The following CALB2 variants were observed in gnomAD, a reference collection of about 807,000 sequenced individuals.
The protein encoded by CALB2 is calretinin.
In CALB2, 34 loss-of-function variants were observed where a neutral mutation model predicts 45.9. The ratio of observed to expected loss-of-function variants is 0.74; its 90% CI spans 0.56 to 0.99. The LOEUF (loss-of-function observed/expected upper bound fraction) is 0.99, where lower values mean the gene tolerates loss of function less well. Among genes scored for constraint, CALB2 ranks in the 50% least tolerant of loss-of-function variants. The pLI is 0.00. For missense variants in CALB2, 344 were observed against 339.3 expected, an observed-to-expected ratio of 1.01 and a Z score of -0.11; for synonymous variants, 142 against 129.6, an observed-to-expected ratio of 1.10 and a Z score of -0.65.
chr16:71,374,597 A>G, intron 2 of CALB2, 148 bp from the exon 3 acceptor site: 1 of 559,390 alleles, frequency 1.8e-6, no homozygotes, highest in Non-Finnish European at 3.3e-6. Context: ...AAAGGAAAAC[A>G]ACACAGCTCT....
At chr16:71,364,177 C>T (rs965175924) in intron 1 of CALB2, among the ~76,000 whole-genome samples, 2 of 152,192 alleles carry the variant, frequency 1.3e-5, no homozygotes, top group African/African-American at 4.8e-5. Flanking sequence ...TCTGATTGCA[C>T]CAGCCGGCAG....
At chr16:71,386,025 C>T (rs374203179) in intron 10 of CALB2, among the ~76,000 whole-genome samples, 5 of 152,308 alleles carry the variant, frequency 3.3e-5, no homozygotes, top group African/African-American at 1.2e-4. Flanking sequence ...TCCCCCATCT[C>T]CTGCCAACCA....
chr16:71,371,290 G>A (rs2042347409), intron 1 of CALB2, among the ~76,000 whole-genome samples: 2 of 152,096 alleles, frequency 1.3e-5, no homozygotes, highest in Admixed American at 6.5e-5. Context: ...TCTCAGGTAG[G>A]GCAGGGGGTG....
rs2042206608 is a variant in CALB2, at chr16:71,358,734, C to G, written c.-59C>G. 3 of 1,389,374 alleles carry G rather than the reference C, an allele frequency of 2.2e-6. No individual in the cohort carries two copies. The highest frequency in any genetic ancestry group is 2.1e-4 in the Middle Eastern group (1 of 4,856). The allele number at this position is 1,389,374 out of a possible 1,614,324, so 86.1% of individuals were successfully genotyped here. On this transcript the variant is annotated 5_prime_UTR_variant, in exon 1 of 11. Coordinates refer to ENST00000302628, the MANE Select transcript of CALB2 (RefSeq NM_001740.5). The stretch of plus-strand genomic sequence containing the variant: ...TGGCGCACAACCCCAGCGCGAGTGC[C>G]AGAGCCCAGCCGGCGCGGAGCGGGA...
At chr16:71,372,116 T>G in intron 1 of CALB2, 37 bp from the exon 2 acceptor site, 1 of 1,403,296 alleles carries the variant, frequency 7.1e-7, no homozygotes, top group Non-Finnish European at 1.0e-6. Flanking sequence ...CCTTACTATT[T>G]AGTGCTGAGA....
intron 4 of CALB2, among the ~76,000 whole-genome samples, chr16:71,378,011 T>TCAGGGGTTCGAGAC (rs1473252559): frequency 1.3e-5 from 2 of 152,090 alleles, no homozygotes; most frequent in Non-Finnish European, 2.9e-5. Context: ...TCACCTGAGG[T>TCAGGGGTTCGAGAC]CAGGGGTTCG....
chr16:71,384,369 T>TA lies in CALB2; in HGVS notation c.567dup (p.Phe190IlefsTer12), dbSNP rs758801377. 6 of 1,607,708 alleles carry TA rather than the reference T, an allele frequency of 3.7e-6. No homozygotes were observed. The African/African-American group carries it at 8.2e-5, about 22-fold the overall frequency. On this transcript the variant is annotated frameshift_variant, in exon 8 of 11. Transcript: ENST00000302628. LOFTEE classifies it high-confidence loss of function. ...TGCCTGTCCAGGAAAACTTCCTGCT[T>TA]AAATTTCAGGTAAAACTTTGCTTTC...
At chr16:71,367,973 T>G (rs2042306842) in intron 1 of CALB2, among the ~76,000 whole-genome samples, 1 of 152,160 alleles carries the variant, frequency 6.6e-6, no homozygotes, top group Non-Finnish European at 1.5e-5. Flanking sequence ...TCTGCCCCCT[T>G]CCCAGAGGCT....
chr16:71,368,250 C>T (rs958951311), intron 1 of CALB2, among the ~76,000 whole-genome samples: 1 of 152,210 alleles, frequency 6.6e-6, no homozygotes, highest in Non-Finnish European at 1.5e-5. Flanking sequence ...GGTCCAGGCA[C>T]GGTGGCTCAC....
intron 1 of CALB2, 142 bp from the exon 2 acceptor site, chr16:71,372,011 C>T: frequency 3.1e-6 from 2 of 652,850 alleles, no homozygotes; most frequent in Non-Finnish European, 5.4e-6. Context: ...GGGCTGGACC[C>T]ACACCCCTAG....
At chr16:71,381,918 G>A (rs1312773130) in intron 4 of CALB2, among the ~76,000 whole-genome samples, 1 of 151,822 alleles carries the variant, frequency 6.6e-6, no homozygotes, top group Non-Finnish European at 1.5e-5. Context: ...GGGAGGTTAA[G>A]CTGGGAGGAT....
At chr16:71,389,134 G>A (rs2042606768) in intron 10 of CALB2, among the ~76,000 whole-genome samples, 3 of 152,080 alleles carry the variant, frequency 2.0e-5, no homozygotes, top group South Asian at 4.2e-4. Context: ...GTTGCAGTGA[G>A]CCGAGATCGT....
intron 1 of CALB2, among the ~76,000 whole-genome samples, chr16:71,367,691 G>A (rs1383512085): frequency 2.0e-5 from 3 of 152,196 alleles, no homozygotes; most frequent in Non-Finnish European, 2.9e-5. Flanking sequence ...AAAACTTGGT[G>A]ATAGCTCCCT....
At chr16:71,366,022 C>CTTTTTTTTTT (rs1447467571) in intron 1 of CALB2, among the ~76,000 whole-genome samples, 4,954 of 49,926 alleles carry the variant, frequency 0.099, 1,294 homozygotes, top group Non-Finnish European at 0.13. Flanking sequence ...CCCTCTCTCT[C>CTTTTTTTTTT]TCTTTTTTTT....
chr16:71,385,661 G>C lies in CALB2; in HGVS notation c.699+13G>C. The C allele has an allele frequency of 1.2e-6, 2 of 1,612,490 alleles. No homozygotes were observed. The highest frequency in any genetic ancestry group is 8.5e-7 in the Non-Finnish European group (1 of 1,179,080). ...GAAAAACAAAAAGGTGAGCAGCCAA[G>C]CCTGAGGCCCGGCCACTGTCCCCAG... On this transcript the variant is annotated intron_variant, in intron 10 of 10. Coordinates refer to ENST00000302628, the MANE Select transcript of CALB2 (RefSeq NM_001740.5).
intron 1 of CALB2, among the ~76,000 whole-genome samples, chr16:71,368,347 C>G (rs901057707): frequency 6.6e-6 from 1 of 151,954 alleles, no homozygotes; most frequent in Non-Finnish European, 1.5e-5. Flanking sequence ...CTGTCTCTAC[C>G]AAAAACAAAC....
chr16:71,385,435 A>G (rs1464503779), intron 9 of CALB2, 142 bp from the exon 10 acceptor site: 1 of 582,884 alleles, frequency 1.7e-6, no homozygotes, highest in Non-Finnish European at 2.9e-6. Context: ...GAAGGGACAC[A>G]TTATTTTGTC....
chr16:71,369,309 G>C (rs1488089505), intron 1 of CALB2, among the ~76,000 whole-genome samples: 1 of 152,196 alleles, frequency 6.6e-6, no homozygotes, highest in East Asian at 1.9e-4. Flanking sequence ...GGTTCACAGA[G>C]GTGGTGTCCT....
chr16:71,376,625 G>A (rs2042416635), intron 3 of CALB2, among the ~76,000 whole-genome samples: 2 of 143,098 alleles, frequency 1.4e-5, no homozygotes, highest in Admixed American at 6.9e-5. Flanking sequence ...CCATCCACAT[G>A]CACCCACATG....
Sources: gnomAD v4.1 joint callset for allele counts (sites outside exome capture counted in the v4.1 genomes callset) on GRCh38, gnomAD v4.1.1 for gene constraint, MANE v1.5 for transcripts, NCBI Gene and HGNC (gene_info 2026-07-23, HGNC 2026-07-21) for gene names.